Variants in PIK3CA observed in about 807,000 individuals in gnomAD.
PIK3CA encodes phosphatidylinositol 4,5-bisphosphate 3-kinase catalytic subunit alpha isoform.
PIK3CA carries 27 observed loss-of-function variants against 138.2 expected under a neutral mutation model. That is an observed-to-expected ratio of 0.20 (90% CI 0.14 to 0.27). PIK3CA has a LOEUF of 0.27. Among genes scored for constraint, PIK3CA ranks in the 10% least tolerant of loss-of-function variants. The probability of loss-of-function intolerance (pLI) is 1.00; values close to 1 mark genes in which losing one functional copy is unlikely to be tolerated. For missense variants in PIK3CA, 544 were observed against 1,277.4 expected, an observed-to-expected ratio of 0.43 and a Z score of 8.75; for synonymous variants, 358 against 413.2, an observed-to-expected ratio of 0.87 and a Z score of 1.62.
intron 14 of PIK3CA, 28 bp from the exon 15 acceptor site, chr3:179,224,049 TCTTA>T: frequency 8.3e-7 from 1 of 1,198,178 alleles, no homozygotes; most frequent in South Asian, 1.2e-5. Flanking sequence ...TAAGTCAGTT[TCTTA>T]CTGTGACTAT....
chr3:179,203,826 A>G, intron 5 of PIK3CA, 37 bp downstream of exon 5: 1 of 1,451,202 alleles, frequency 6.9e-7, no homozygotes, highest in Non-Finnish European at 9.3e-7. Flanking sequence ...TTTTATAGAA[A>G]TTATTTTAGA....
At chr3:179,202,821 C>T in intron 4 of PIK3CA, among the ~76,000 whole-genome samples, 1 of 152,074 alleles carries the variant, frequency 6.6e-6, no homozygotes, top group East Asian at 1.9e-4. Context: ...AAGTGAACAG[C>T]AGCCTTTGGA....
intron 9 of PIK3CA, among the ~76,000 whole-genome samples, chr3:179,216,840 A>G (rs1724846817): frequency 6.6e-6 from 1 of 152,142 alleles, no homozygotes; most frequent in Admixed American, 6.6e-5. Context: ...AAGTAAATAA[A>G]CAGTAGCAGC....
intron 1 of PIK3CA, among the ~76,000 whole-genome samples, chr3:179,189,139 C>T (rs569223166): frequency 6.6e-6 from 1 of 151,866 alleles, no homozygotes; most frequent in Non-Finnish European, 1.5e-5. Context: ...GCTCGAACCT[C>T]GTAAACAGAG....
chr3:179,173,725 G>GT (rs998401834), intron 1 of PIK3CA, among the ~76,000 whole-genome samples: 3 of 152,038 alleles, frequency 2.0e-5, no homozygotes, highest in Admixed American at 6.5e-5. Flanking sequence ...TTTTGGCAGT[G>GT]TTTTTTTGTT....
chr3:179,204,731 C>T, intron 6 of PIK3CA, 143 bp downstream of exon 6: 1 of 488,518 alleles, frequency 2.0e-6, no homozygotes. Context: ...TAAAAATTAG[C>T]TAGGCACTGG....
rs1725322418 is a variant in PIK3CA at position 179,235,802 on chromosome 3, C to T, written c.*1438C>T. Reference sequence around the variant, plus strand: ...TTCCCAAGTAGTCAGAGCTCACTCTCCAACTTTATTAAATACTATTTGAGC... The same window carrying T: ...TTCCCAAGTAGTCAGAGCTCACTCTTCAACTTTATTAAATACTATTTGAGC... On this transcript the variant is annotated 3_prime_UTR_variant, in exon 21 of 21. Coordinates refer to ENST00000263967, the MANE Select transcript of PIK3CA (RefSeq NM_006218.4). The T allele has an allele frequency of 4.7e-6, 1 of 213,560 alleles. No homozygotes were observed. Among genetic ancestry groups the T allele is most frequent in the African/African-American group, 2.3e-5 (1 of 44,320 alleles). The allele number at this position is 213,560 out of a possible 1,614,324, so 13.2% of individuals were successfully genotyped here.
intron 1 of PIK3CA, among the ~76,000 whole-genome samples, chr3:179,186,096 G>A (rs1393884557): frequency 6.6e-6 from 1 of 152,040 alleles, no homozygotes; most frequent in Non-Finnish European, 1.5e-5. Flanking sequence ...AGCAACCTAG[G>A]GGCTGCCAGC....
intron 4 of PIK3CA, among the ~76,000 whole-genome samples, chr3:179,202,615 A>T (rs1443035905): frequency 2.0e-5 from 3 of 152,198 alleles, no homozygotes; most frequent in African/African-American, 7.2e-5. Context: ...AGTGGGGCTT[A>T]TGGGTAAGAA....
chr3:179,209,538 T>C (rs1254988553), intron 6 of PIK3CA, 57 bp from the exon 7 acceptor site: 12 of 1,026,392 alleles, frequency 1.2e-5, no homozygotes, highest in Middle Eastern at 4.2e-4. Context: ...GAGTCATTTA[T>C]ATACTTTGAT....
At chr3:179,157,880 C>T (rs1047350658) in intron 1 of PIK3CA, among the ~76,000 whole-genome samples, 3 of 152,044 alleles carry the variant, frequency 2.0e-5, no homozygotes, top group Admixed American at 6.5e-5. Flanking sequence ...CCGGGTAATA[C>T]GTATTTCTTC....
intron 1 of PIK3CA, among the ~76,000 whole-genome samples, chr3:179,164,225 A>T (rs1399031703): frequency 9.2e-5 from 14 of 152,196 alleles, no homozygotes; most frequent in Admixed American, 9.2e-4. Flanking sequence ...TACATAAAAG[A>T]TGCTAATATG....
At chr3:179,216,943 TAATC>T (rs1724848960) in intron 9 of PIK3CA, among the ~76,000 whole-genome samples, 1 of 152,176 alleles carries the variant, frequency 6.6e-6, no homozygotes, top group Non-Finnish European at 1.5e-5. Context: ...GAAGCCATAA[TAATC>T]TTTATGAAAT....
At chr3:179,166,253 C>T (rs925734267) in intron 1 of PIK3CA, among the ~76,000 whole-genome samples, 2 of 152,192 alleles carry the variant, frequency 1.3e-5, no homozygotes, top group African/African-American at 2.4e-5. Context: ...TCAAGACTTA[C>T]ACATAAGAAA....
At chr3:179,222,848 T>C (rs1045553046) in intron 14 of PIK3CA, among the ~76,000 whole-genome samples, 1 of 152,200 alleles carries the variant, frequency 6.6e-6, no homozygotes, top group Non-Finnish European at 1.5e-5. Flanking sequence ...CATGTTGCTT[T>C]CACACCATCA....
At position 179,226,354 on chromosome 3, in the gene PIK3CA, G is replaced by T. The variant is rs375631626; in HGVS notation, c.2495+314G>T. Among the ~76,000 whole-genome samples the T allele has an allele frequency of 5.7e-4, 86 of 152,140 alleles. No homozygotes were observed. In the South Asian group the frequency reaches 0.017, roughly 29 times the overall value. On this transcript the variant is annotated intron_variant, in intron 17 of 20. Transcript: ENST00000263967. ...TCAGAAATTAAGAGTTTAAAAGAAA[G>T]TTTCATAATGGGAATTTTCTAATTC...
At chr3:179,221,508 T>C (rs575704281) in intron 14 of PIK3CA, among the ~76,000 whole-genome samples, 2 of 152,222 alleles carry the variant, frequency 1.3e-5, no homozygotes, top group South Asian at 4.2e-4. Context: ...TCCCTAAGTA[T>C]TTACAGTGAT....
chr3:179,190,684 C>T (rs1044242585), intron 1 of PIK3CA, among the ~76,000 whole-genome samples: 6 of 152,028 alleles, frequency 3.9e-5, no homozygotes, highest in African/African-American at 9.7e-5. Context: ...GTGAAAGAAC[C>T]GTCTCTGTCT....
At chr3:179,185,760 C>A (rs771250837) in intron 1 of PIK3CA, among the ~76,000 whole-genome samples, 2 of 152,158 alleles carry the variant, frequency 1.3e-5, no homozygotes, top group African/African-American at 2.4e-5. Flanking sequence ...AAGAATACTA[C>A]AAAGGATATA....
Sources: allele counts gnomAD v4.1 joint callset (sites outside exome capture counted in the v4.1 genomes callset), GRCh38; gene constraint gnomAD v4.1.1; transcripts MANE v1.5; gene names NCBI Gene and HGNC (gene_info 2026-07-23, HGNC 2026-07-21).